Variants in KCNK9 observed in about 807,000 individuals in gnomAD.
KCNK9 encodes the protein potassium two pore domain channel subfamily K member 9, also known as potassium channel subfamily K member 9.
A neutral mutation model predicts 10.8 loss-of-function variants in KCNK9; 1 was observed. That is an observed-to-expected ratio of 0.09 (90% CI 0.03 to 0.44). The LOEUF is 0.44. Ranked by LOEUF, KCNK9 falls within the 20% of genes least tolerant of loss-of-function variation. KCNK9 has a pLI of 0.97. For synonymous variants in KCNK9, 231 were observed against 222.7 expected (o/e 1.04, Z -0.33); for missense variants, 303 against 515.0 (o/e 0.59, Z 3.98).
At chr8:139,612,828 G>A (rs1478903821), downstream of KCNK9, among the ~76,000 whole-genome samples, 2 of 152,078 alleles carry the variant, frequency 1.3e-5, no homozygotes, top group Non-Finnish European at 2.9e-5. Context: ...GTCTTAACCT[G>A]AGGAAACAAG....
chr8:139,672,616 G>A (rs1816455738), intron 1 of KCNK9, among the ~76,000 whole-genome samples: 1 of 152,252 alleles, frequency 6.6e-6, no homozygotes, highest in South Asian at 2.1e-4. Context: ...AGGGGAGCCT[G>A]TAGCAGAGGG....
intron 1 of KCNK9, among the ~76,000 whole-genome samples, chr8:139,692,537 C>G (rs1302439984): frequency 1.3e-5 from 2 of 152,180 alleles, no homozygotes; most frequent in African/African-American, 4.8e-5. Flanking sequence ...ATACCTATGG[C>G]CTGAACATTG....
chr8:139,606,375 G>C (rs1563709365), intron 2 of KCNK9, among the ~76,000 whole-genome samples: 1 of 152,092 alleles, frequency 6.6e-6, no homozygotes, highest in Non-Finnish European at 1.5e-5. Flanking sequence ...CTGGGGGCTG[G>C]AGAGGAGGAA....
chr8:139,629,153 C>T (rs1022992723), intron 1 of KCNK9, among the ~76,000 whole-genome samples: 2 of 152,236 alleles, frequency 1.3e-5, no homozygotes, highest in Non-Finnish European at 2.9e-5. Context: ...GGCTGAGCCT[C>T]GATACACATC....
At chr8:139,624,034 C>A (rs1490458882) in intron 1 of KCNK9, among the ~76,000 whole-genome samples, 1 of 152,182 alleles carries the variant, frequency 6.6e-6, no homozygotes, top group Non-Finnish European at 1.5e-5. Flanking sequence ...TGCCTGGCAC[C>A]CCCTACAGGC....
chr8:139,607,828 A>G (rs970530115), downstream of KCNK9, among the ~76,000 whole-genome samples: 4 of 152,154 alleles, frequency 2.6e-5, no homozygotes, highest in African/African-American at 4.8e-5. Context: ...CCACACTGTC[A>G]CTTCATCCTC....
intron 1 of KCNK9, among the ~76,000 whole-genome samples, chr8:139,668,644 A>C (rs553748753): frequency 1.3e-5 from 2 of 152,114 alleles, no homozygotes; most frequent in Admixed American, 1.3e-4. Context: ...CTGGTGTCGA[A>C]CTCCCGACCT....
At chr8:139,692,388 T>C (rs1196897569) in intron 1 of KCNK9, among the ~76,000 whole-genome samples, 1 of 152,224 alleles carries the variant, frequency 6.6e-6, no homozygotes, top group Non-Finnish European at 1.5e-5. Flanking sequence ...GATGTGATCA[T>C]GGGGTCTCAG....
chr8:139,646,447 A>G (rs921140099), intron 1 of KCNK9, among the ~76,000 whole-genome samples: 13 of 152,394 alleles, frequency 8.5e-5, no homozygotes, highest in Admixed American at 6.5e-4. Context: ...TCTAGCGGCC[A>G]GGTCAGCATG....
intron 1 of KCNK9, among the ~76,000 whole-genome samples, chr8:139,643,498 G>A (rs1477006588): frequency 6.6e-6 from 1 of 152,222 alleles, no homozygotes; most frequent in East Asian, 1.9e-4. Context: ...GAGCGTTCCG[G>A]ATCCTGAAGA....
chr8:139,694,416 G>A (rs1047933791), intron 1 of KCNK9, among the ~76,000 whole-genome samples: 1 of 152,214 alleles, frequency 6.6e-6, no homozygotes, highest in Middle Eastern at 3.2e-3. Flanking sequence ...AGGGAGCCCA[G>A]GCTTAAGGGG....
At chr8:139,694,635 C>T (rs1817009557) in intron 1 of KCNK9, among the ~76,000 whole-genome samples, 1 of 152,194 alleles carries the variant, frequency 6.6e-6, no homozygotes, top group Admixed American at 6.5e-5. Flanking sequence ...GACCTGCCCC[C>T]CACTCTCCAG....
At chr8:139,671,426 A>G (rs1490555790) in intron 1 of KCNK9, among the ~76,000 whole-genome samples, 1 of 152,014 alleles carries the variant, frequency 6.6e-6, no homozygotes, top group African/African-American at 2.4e-5. Context: ...CACCAGCAAG[A>G]GGCGGGAGGA....
chr8:139,632,473 G>A (rs138837027), intron 1 of KCNK9, among the ~76,000 whole-genome samples: 1 of 152,300 alleles, frequency 6.6e-6, no homozygotes, highest in East Asian at 1.9e-4. Context: ...GAGACAGACA[G>A]TGTCTACCCA....
intron 1 of KCNK9, among the ~76,000 whole-genome samples, chr8:139,683,704 G>A (rs559031045): frequency 3.3e-5 from 5 of 152,356 alleles, no homozygotes; most frequent in Admixed American, 3.3e-4. Context: ...GGAGGTATGT[G>A]AGCAGAGTGT....
At chr8:139,671,354 C>T (rs936655607) in intron 1 of KCNK9, among the ~76,000 whole-genome samples, 33 of 152,136 alleles carry the variant, frequency 2.2e-4, no homozygotes, top group African/African-American at 7.2e-4. Flanking sequence ...GTACTGTGTT[C>T]GCAGTGGAAG....
chr8:139,660,430 C>A (rs921670723), intron 1 of KCNK9, among the ~76,000 whole-genome samples: 3 of 135,944 alleles, frequency 2.2e-5, no homozygotes, highest in Admixed American at 2.2e-4. Flanking sequence ...TGTCGTGAAA[C>A]CCGTCTCTGC....
chr8:139,700,177 G>T (rs932747076), intron 1 of KCNK9, among the ~76,000 whole-genome samples: 16 of 152,206 alleles, frequency 1.1e-4, no homozygotes, highest in African/African-American at 3.9e-4. Context: ...AGAGAGCGGA[G>T]GCTCGATCAG....
chr8:139,681,361 G>A (rs1390515329), intron 1 of KCNK9, among the ~76,000 whole-genome samples: 2 of 152,226 alleles, frequency 1.3e-5, no homozygotes, highest in African/African-American at 2.4e-5. Context: ...GAAAGACACC[G>A]GCAGACGGAG....
Sources: gnomAD v4.1 joint callset for allele counts (sites outside exome capture counted in the v4.1 genomes callset) on GRCh38, gnomAD v4.1.1 for gene constraint, MANE v1.5 for transcripts, NCBI Gene and HGNC (gene_info 2026-07-23, HGNC 2026-07-21) for gene names.